The following KCND3 variants were observed in gnomAD, a reference collection of about 807,000 sequenced individuals.
The protein encoded by KCND3 is potassium voltage-gated channel subfamily D member 3.
Under a neutral mutation model 51.1 loss-of-function variants are expected in KCND3, and 9 were observed. That is an observed-to-expected ratio of 0.18 (90% CI 0.11 to 0.31). KCND3 has a LOEUF of 0.31. Ranked by LOEUF, KCND3 falls within the 10% of genes least tolerant of loss-of-function variation. The pLI, the probability that KCND3 is intolerant of heterozygous loss-of-function variation, is 1.00. For missense variants in KCND3, 526 were observed against 903.8 expected (o/e 0.58, Z 5.36); for synonymous variants, 349 against 368.0 (o/e 0.95, Z 0.59).
chr1:111,813,968 C>T (rs1050835361), intron 2 of KCND3, among the ~76,000 whole-genome samples: 2 of 152,238 alleles, frequency 1.3e-5, no homozygotes, highest in East Asian at 1.9e-4. Flanking sequence ...GCCCCACCAA[C>T]GTGCTGGCAG....
At chr1:111,785,091 G>A (rs891537939) in intron 3 of KCND3, among the ~76,000 whole-genome samples, 4 of 152,164 alleles carry the variant, frequency 2.6e-5, no homozygotes, top group African/African-American at 9.7e-5. Flanking sequence ...GTGAAGTAAA[G>A]GTAGCTGTAG....
intron 2 of KCND3, among the ~76,000 whole-genome samples, chr1:111,885,290 C>A (rs552039510): frequency 6.6e-6 from 1 of 152,298 alleles, no homozygotes; most frequent in Non-Finnish European, 1.5e-5. Flanking sequence ...GTTCACAAAC[C>A]TCCAGCCTCT....
intron 2 of KCND3, among the ~76,000 whole-genome samples, chr1:111,898,770 C>A (rs548376371): frequency 4.6e-5 from 7 of 152,244 alleles, no homozygotes; most frequent in African/African-American, 1.4e-4. Flanking sequence ...GGGGTCCAGA[C>A]AGCTTCCACT....
intron 3 of KCND3, among the ~76,000 whole-genome samples, chr1:111,785,884 C>T (rs1664581927): frequency 6.6e-6 from 1 of 152,124 alleles, no homozygotes; most frequent in East Asian, 1.9e-4. Flanking sequence ...ATAGGGCCGA[C>T]CACATAGTAC....
At chr1:111,788,302 G>A (rs1664694200) in intron 2 of KCND3, among the ~76,000 whole-genome samples, 1 of 152,228 alleles carries the variant, frequency 6.6e-6, no homozygotes, top group South Asian at 2.1e-4. Context: ...TGCCCTCTGG[G>A]TGTCTGGAGC....
intron 2 of KCND3, among the ~76,000 whole-genome samples, chr1:111,826,022 G>A (rs1666555216): frequency 6.6e-6 from 1 of 152,122 alleles, no homozygotes; most frequent in Non-Finnish European, 1.5e-5. Flanking sequence ...TAATTTGCAA[G>A]CCAAAAATAG....
intron 2 of KCND3, among the ~76,000 whole-genome samples, chr1:111,966,554 G>A (rs1674000085): frequency 6.6e-6 from 1 of 152,098 alleles, no homozygotes; most frequent in Non-Finnish European, 1.5e-5. Context: ...CCTGAGTGGT[G>A]GCTCACTGGG....
intron 2 of KCND3, chr1:111,910,387 G>A (rs969395867): frequency 6.6e-6 from 1 of 152,232 alleles, no homozygotes; most frequent in Non-Finnish European, 1.5e-5. Context: ...TCCAGTGCCC[G>A]ACATTGAGCC....
intron 2 of KCND3, among the ~76,000 whole-genome samples, chr1:111,854,607 G>C (rs563446459): frequency 5.3e-5 from 8 of 152,220 alleles, no homozygotes; most frequent in Non-Finnish European, 1.2e-4. Flanking sequence ...GCAGAGGCTG[G>C]TTCTCTGAGG....
At chr1:111,869,078 G>A (rs1438277972) in intron 2 of KCND3, among the ~76,000 whole-genome samples, 2 of 152,102 alleles carry the variant, frequency 1.3e-5, no homozygotes, top group Non-Finnish European at 2.9e-5. Flanking sequence ...CCTTCCACAC[G>A]CTGCCCATCC....
At chr1:111,799,086 A>C (rs1665180154) in intron 2 of KCND3, among the ~76,000 whole-genome samples, 2 of 152,194 alleles carry the variant, frequency 1.3e-5, no homozygotes, top group Admixed American at 1.3e-4. Context: ...AATGGGCTGA[A>C]GTCATCCCAA....
intron 2 of KCND3, among the ~76,000 whole-genome samples, chr1:111,871,615 A>G (rs1668831310): frequency 6.6e-6 from 1 of 152,210 alleles, no homozygotes; most frequent in Admixed American, 6.5e-5. Flanking sequence ...GCAGGACAGT[A>G]TGGAGTTAAG....
intron 2 of KCND3, among the ~76,000 whole-genome samples, chr1:111,925,069 G>T (rs1487723378): frequency 6.6e-6 from 1 of 152,196 alleles, no homozygotes; most frequent in Non-Finnish European, 1.5e-5. Flanking sequence ...ATGCCCCTTT[G>T]ACCTCTGTGG....
At chr1:111,808,224 A>T (rs955716382) in intron 2 of KCND3, among the ~76,000 whole-genome samples, 1 of 152,188 alleles carries the variant, frequency 6.6e-6, no homozygotes, top group African/African-American at 2.4e-5. Flanking sequence ...TTCCTCTTTC[A>T]AGTCTTAAAA....
chr1:111,857,528 C>A (rs1055443082), intron 2 of KCND3, among the ~76,000 whole-genome samples: 1 of 152,174 alleles, frequency 6.6e-6, no homozygotes, highest in African/African-American at 2.4e-5. Flanking sequence ...GTGTTGGCAA[C>A]CCTCAGTCAG....
At chr1:111,835,809 A>G (rs1353126105) in intron 2 of KCND3, among the ~76,000 whole-genome samples, 3 of 152,244 alleles carry the variant, frequency 2.0e-5, no homozygotes, top group Non-Finnish European at 4.4e-5. Flanking sequence ...TATTTAGTCG[A>G]GCAGTCCATG....
At chr1:111,965,062 C>T (rs1673890968) in intron 2 of KCND3, among the ~76,000 whole-genome samples, 2 of 145,222 alleles carry the variant, frequency 1.4e-5, no homozygotes, top group African/African-American at 4.9e-5. Context: ...CTTTGCTGCA[C>T]CCCCCCAAAC....
intron 2 of KCND3, among the ~76,000 whole-genome samples, chr1:111,813,657 G>T (rs1212328886): frequency 1.3e-5 from 2 of 152,146 alleles, no homozygotes; most frequent in African/African-American, 4.8e-5. Context: ...TCTGCTCTGG[G>T]AATCTTCCCT....
At chr1:111,813,655 G>A (rs1474883944) in intron 2 of KCND3, among the ~76,000 whole-genome samples, 2 of 152,098 alleles carry the variant, frequency 1.3e-5, no homozygotes, top group African/African-American at 2.4e-5. Context: ...GCTCTGCTCT[G>A]GGAATCTTCC....
Sources: gnomAD v4.1 joint callset for allele counts (sites outside exome capture counted in the v4.1 genomes callset) on GRCh38, gnomAD v4.1.1 for gene constraint, MANE v1.5 for transcripts, NCBI Gene and HGNC (gene_info 2026-07-23, HGNC 2026-07-21) for gene names.